The following MED13 variants were observed in gnomAD, a reference collection of about 807,000 sequenced individuals.
MED13 encodes the protein mediator of RNA polymerase II transcription subunit 13.
In MED13, 23 loss-of-function variants were observed where a neutral mutation model predicts 225.2. That is an observed-to-expected ratio of 0.10 (90% confidence interval 0.07 to 0.14). The LOEUF (loss-of-function observed/expected upper bound fraction) is 0.14. Ranked by LOEUF, MED13 falls within the 10% of genes least tolerant of loss-of-function variation. The probability of loss-of-function intolerance (pLI) is 1.00; values close to 1 mark genes in which losing one functional copy is unlikely to be tolerated. For missense variants in MED13, 2,197 were observed against 2,594.5 expected (o/e 0.85, Z 3.33); for synonymous variants, 942 against 889.2 (o/e 1.06, Z -1.06).
chr17:62,060,669 C>T (rs1007493065), intron 2 of MED13, among the ~76,000 whole-genome samples: 1 of 151,150 alleles, frequency 6.6e-6, no homozygotes, highest in African/African-American at 2.4e-5. Context: ...AACCAACCTC[C>T]CAAAATTATT....
At chr17:61,959,497 T>C (rs931719871) in intron 23 of MED13, among the ~76,000 whole-genome samples, 1 of 152,132 alleles carries the variant, frequency 6.6e-6, no homozygotes, top group Non-Finnish European at 1.5e-5. Context: ...AAATCAAAAT[T>C]GTATCAAGGA....
intron 8 of MED13, among the ~76,000 whole-genome samples, chr17:62,024,968 T>C (rs1021488051): frequency 2.6e-5 from 4 of 152,198 alleles, no homozygotes; most frequent in Admixed American, 6.5e-5. Context: ...GTCTTTGTTA[T>C]TGTGAATAGT....
intron 8 of MED13, among the ~76,000 whole-genome samples, chr17:62,013,041 T>G (rs575623972): frequency 1.3e-5 from 2 of 152,216 alleles, no homozygotes; most frequent in Non-Finnish European, 2.9e-5. Context: ...TCCGCCCACC[T>G]TGGCCTCCCA....
rs537978929 is a variant in MED13, at chr17:62,034,411, C to T, written c.617-427G>A. Among the ~76,000 whole-genome samples the T allele has an allele frequency of 7.9e-5, 12 of 151,018 alleles. No individual in the cohort carries two copies. The South Asian group carries it at 1.5e-3, about 18-fold the overall frequency. ...CTGAGGCTGGAGAACTGCTTGAACC[C>T]GGGAGGCAGAGGCTGCAGTGAGCCA... On this transcript the variant is annotated intron_variant, in intron 4 of 29. Coordinates refer to ENST00000397786, the MANE Select transcript of MED13 (RefSeq NM_005121.3).
At chr17:61,970,715 T>A (rs1433389569) in intron 17 of MED13, among the ~76,000 whole-genome samples, 6 of 115,606 alleles carry the variant, frequency 5.2e-5, no homozygotes, top group South Asian at 2.8e-4. Context: ...GCATTACAGA[T>A]AGTTATTTAG....
intron 9 of MED13, among the ~76,000 whole-genome samples, chr17:62,000,398 G>A (rs2080384016): frequency 6.6e-6 from 1 of 152,088 alleles, no homozygotes; most frequent in Non-Finnish European, 1.5e-5. Flanking sequence ...GATCCCAACC[G>A]CCTGATGGAA....
Position 61,961,075 on chromosome 17 carries a change from G to T in MED13, c.5272C>A (p.Arg1758=). ...LRSPDRPECI[R]LYAPPFILAP... ...AGAATAAAAGGAGGTGCATAAAGTC[G>T]AATACACTCTGGTCTCTATAAAATA... is the stretch of plus-strand genomic sequence containing the variant. The change falls in exon 23 of 30, where the codon CGA becomes AGA. Residue 1758 remains arginine, a synonymous_variant. Transcript: ENST00000397786. 1 of 1,612,980 alleles carries T rather than the reference G, an allele frequency of 6.2e-7. No individual in the cohort carries two copies. Among genetic ancestry groups the T allele is most frequent in the Non-Finnish European group, 8.5e-7 (1 of 1,179,354 alleles).
chr17:61,992,693 A>T (rs2080309881), intron 10 of MED13, 72 bp from the exon 11 acceptor site: 6 of 1,067,840 alleles, frequency 5.6e-6, no homozygotes, highest in Non-Finnish European at 8.6e-6. Flanking sequence ...ATTATTGAGG[A>T]GCTGTGTGTC....
chr17:62,046,207 A>G (rs1194962277), intron 3 of MED13, among the ~76,000 whole-genome samples: 1 of 152,216 alleles, frequency 6.6e-6, no homozygotes, highest in Admixed American at 6.5e-5. Context: ...TTCAACAGAA[A>G]AGAAGTCCGA....
intron 8 of MED13, among the ~76,000 whole-genome samples, chr17:62,019,215 T>A (rs1343356755): frequency 6.6e-6 from 1 of 152,224 alleles, no homozygotes; most frequent in African/African-American, 2.4e-5. Flanking sequence ...AGAATTCAAC[T>A]ATCTTACTAC....
intron 2 of MED13, among the ~76,000 whole-genome samples, chr17:62,053,743 C>T (rs2080975058): frequency 6.6e-6 from 1 of 152,094 alleles, no homozygotes; most frequent in Admixed American, 6.6e-5. Context: ...CAATTCAACA[C>T]CAAAAATGCA....
At chr17:62,020,242 T>TA (rs1234474688) in intron 8 of MED13, among the ~76,000 whole-genome samples, 1 of 151,196 alleles carries the variant, frequency 6.6e-6, no homozygotes, top group Non-Finnish European at 1.5e-5. Context: ...TTTTTTTTTT[T>TA]ATGAAGATTA....
Position 61,946,344 on chromosome 17 carries a change from T to TG in MED13, c.*123dup. ...CCCCCCAAGTCAAAACAATATTTGT[T>TG]GAAGTAATAAGAATTAGACCCCATC... On this transcript the variant is annotated 3_prime_UTR_variant, in exon 30 of 30. Coordinates refer to ENST00000397786, the MANE Select transcript of MED13 (RefSeq NM_005121.3). The TG allele has an allele frequency of 8.8e-7, 1 of 1,139,674 alleles. No individual in the cohort carries two copies. Among genetic ancestry groups the TG allele is most frequent in the Middle Eastern group, 2.6e-4 (1 of 3,900 alleles). 70.6% of individuals were successfully genotyped at this position (1,139,674 alleles called of 1,614,324 possible).
rs999678110 is a variant in MED13, at chr17:61,966,130, T to G, written c.4381+332A>C. Among the ~76,000 whole-genome samples, 7 of 152,318 alleles carry G rather than the reference T, an allele frequency of 4.6e-5. No homozygotes were observed. The East Asian group carries it at 1.3e-3, about 29-fold the overall frequency. On this transcript the variant is annotated intron_variant, in intron 19 of 29. Coordinates refer to ENST00000397786, the MANE Select transcript of MED13 (RefSeq NM_005121.3). ...TATTTTATCTCTAAACTGTAACAAA[T>G]GAAGAATCTTCAAGTTATTAAAACA...
rs1317336858 is a variant in MED13 at position 62,065,219 on chromosome 17, AGCC to A, written c.-17_-15del. The stretch of plus-strand genomic sequence containing the variant: ...GGAGGCACTCATCGTCCCTCACAGC[AGCC>A]GCCGCCGGCGCCACAACCCACCATC... On this transcript the variant is annotated 5_prime_UTR_variant, in exon 1 of 30. Coordinates refer to ENST00000397786, the MANE Select transcript of MED13 (RefSeq NM_005121.3). 6.8e-7 allele frequency: 1 copy of A among 1,481,082 alleles called. No homozygotes were observed. Among genetic ancestry groups the A allele is most frequent in the Non-Finnish European group, 9.0e-7 (1 of 1,107,714 alleles). 91.7% of individuals were successfully genotyped at this position (1,481,082 alleles called of 1,614,324 possible). A position where few individuals can be genotyped will look rare whatever the true frequency, so the allele number is the denominator to read the frequency against.
intron 20 of MED13, among the ~76,000 whole-genome samples, chr17:61,963,670 T>C (rs897849973): frequency 1.3e-5 from 2 of 152,206 alleles, no homozygotes; most frequent in Non-Finnish European, 2.9e-5. Context: ...AGTTTCATTC[T>C]TTGATGGGTG....
chr17:62,030,013 A>T lies in MED13; in HGVS notation c.1010T>A (p.Val337Asp), dbSNP rs1439438157. The T allele has an allele frequency of 1.3e-6, 2 of 1,542,984 alleles. No homozygotes were observed. The highest frequency in any genetic ancestry group is 2.8e-5 in the African/African-American group (2 of 72,596). ...PPTSPEEVQT[V>D]DPQSVQKWVK... Reference sequence around the variant, plus strand: ...CCACTTCTGGACAGACTGAGGATCAACTGAAAACAAAACAAAAAAACAGGC... The same window carrying T: ...CCACTTCTGGACAGACTGAGGATCATCTGAAAACAAAACAAAAAAACAGGC... The change falls in exon 7 of 30, where the codon GTT becomes GAT. Residue 337 changes from valine (V) to aspartate (D), a missense_variant and splice_region_variant. Val to Asp is a radical substitution (Grantham distance 152, BLOSUM62 -3). Coordinates refer to ENST00000397786, the MANE Select transcript of MED13 (RefSeq NM_005121.3).
chr17:62,044,714 G>C (rs1464170307), intron 3 of MED13, among the ~76,000 whole-genome samples: 2 of 152,170 alleles, frequency 1.3e-5, no homozygotes, highest in Non-Finnish European at 2.9e-5. Flanking sequence ...CCAGGCTGGA[G>C]TGCAGTGGCA....
rs1175351884 is a variant in MED13 at position 62,052,830 on chromosome 17, A to C, written c.302-125T>G. The C allele has an allele frequency of 7.3e-6, 4 of 549,002 alleles. No individual in the cohort carries two copies. In the Admixed American group the frequency reaches 1.1e-4, roughly 16 times the overall value. 34.0% of individuals were successfully genotyped at this position (549,002 alleles called of 1,614,324 possible). On this transcript the variant is annotated intron_variant, in intron 2 of 29. Coordinates refer to ENST00000397786, the MANE Select transcript of MED13 (RefSeq NM_005121.3). ...AGCTTACCCCAGAATATTAAGCTAC[A>C]ATCACTTCAATGTATCTCTAGACAT...
Sources: gnomAD v4.1 joint callset for allele counts (sites outside exome capture counted in the v4.1 genomes callset) on GRCh38, gnomAD v4.1.1 for gene constraint, MANE v1.5 for transcripts, NCBI Gene and HGNC (gene_info 2026-07-23, HGNC 2026-07-21) for gene names.